Variants in NPSR1 observed in about 807,000 individuals in gnomAD.
NPSR1 encodes the protein neuropeptide S receptor.
Under a neutral mutation model 46.9 loss-of-function variants are expected in NPSR1, and 48 were observed. The observed-to-expected ratio is 1.02, with a 90% CI of 0.81 to 1.30. NPSR1 has a LOEUF of 1.30. Ranked by LOEUF, NPSR1 falls within the 50% of genes most tolerant of loss-of-function variation. The pLI is 0.00. For missense variants in NPSR1, 450 were observed against 449.5 expected (o/e 1.00, Z -0.01); for synonymous variants, 176 against 168.1 (o/e 1.05, Z -0.36).
rs565312186 is a variant in NPSR1 at position 34,778,465 on chromosome 7, C to A, written c.284C>A (p.Ser95Tyr). The change falls in exon 3 of 9, where the codon TCT becomes TAT. Residue 95 changes from serine (S) to tyrosine (Y), a missense_variant. By Grantham distance (144) the Ser-to-Tyr change is moderately radical (BLOSUM62 -2). Coordinates refer to ENST00000360581, the MANE Select transcript of NPSR1 (RefSeq NM_207172.2). ...AGCACTTGTACGTTTTTGTTAGATT[C>A]TTTCACAGGACTGGTCAACATCTTG... ...FFVTQLAITD[S>Y]FTGLVNILTD... is the part of the protein sequence containing the mutation. 1.5e-5 allele frequency: 24 copies of A among 1,584,806 alleles called. No homozygotes were observed. In the East Asian group the frequency reaches 4.7e-4, roughly 31 times the overall value.
intron 2 of NPSR1, among the ~76,000 whole-genome samples, chr7:34,703,536 C>T (rs1793954230): frequency 6.6e-6 from 1 of 151,946 alleles, no homozygotes; most frequent in Admixed American, 6.6e-5. Flanking sequence ...TTAGAACATT[C>T]GAATAGAGCA....
intron 4 of NPSR1, among the ~76,000 whole-genome samples, chr7:34,818,813 T>C (rs1789392713): frequency 1.3e-5 from 2 of 152,140 alleles, no homozygotes; most frequent in Admixed American, 6.5e-5. Context: ...AAACAAGAAA[T>C]GGGGAAACGA....
intron 5 of NPSR1, 133 bp from the exon 6 acceptor site, chr7:34,834,251 A>G (rs1790261739): frequency 1.4e-6 from 1 of 696,334 alleles, no homozygotes; most frequent in Non-Finnish European, 2.6e-6. Flanking sequence ...AACAGCAAGT[A>G]TAAGGGGGCA....
At chr7:34,866,837 C>T (rs1232538007) in intron 8 of NPSR1, among the ~76,000 whole-genome samples, 1 of 151,728 alleles carries the variant, frequency 6.6e-6, no homozygotes, top group Non-Finnish European at 1.5e-5. Flanking sequence ...AAGTTTCCTG[C>T]AGCAAAACCC....
intron 2 of NPSR1, chr7:34,750,343 A>G: frequency 1.4e-6 from 1 of 720,662 alleles, no homozygotes; most frequent in Non-Finnish European, 2.6e-6. Context: ...AATCTTCCTC[A>G]CTTGACTCAT....
In NPSR1 at chr7:34,848,652, T is replaced by C; in HGVS notation, c.1014T>C (p.Ser338=). 3.1e-6 allele frequency: 5 copies of C among 1,613,890 alleles called. No homozygotes were observed. Among genetic ancestry groups the C allele is most frequent in the Non-Finnish European group, 4.2e-6 (5 of 1,179,968 alleles). ...ACTGTGTCTTCAGCAGCTCCATCTC[T>C]TTCCCCTGCAGGTAAGGGGAGCTCT... ...LIYCVFSSSI[S]FPCREQRSQD... The change falls in exon 8 of 9, where the codon TCT becomes TCC. Residue 338 remains serine, a synonymous_variant. Coordinates refer to ENST00000360581, the MANE Select transcript of NPSR1 (RefSeq NM_207172.2).
At chr7:34,811,618 T>C (rs886610015) in intron 3 of NPSR1, 152 bp from the exon 4 acceptor site, 2 of 544,186 alleles carry the variant, frequency 3.7e-6, no homozygotes, top group African/African-American at 2.0e-5. Context: ...CTCTTGTCCA[T>C]GTAAGAGAGT....
chr7:34,825,858 G>T (rs1789807899), intron 4 of NPSR1, among the ~76,000 whole-genome samples: 1 of 152,124 alleles, frequency 6.6e-6, no homozygotes, highest in Admixed American at 6.5e-5. Flanking sequence ...TAGCAACCTG[G>T]GGGAGGAGGA....
rs184521331 is a variant in NPSR1, at chr7:34,872,862, C to A, written c.1026-5214C>A. Among the ~76,000 whole-genome samples, 270 of 151,960 alleles carry A rather than the reference C, an allele frequency of 1.8e-3. 3 individuals are homozygous for A. Among genetic ancestry groups the A allele is most frequent in the Non-Finnish European group, 1.9e-3 (127 of 68,032 alleles). ...AGATTTGGGTGAGGACACAGCCTAACCATATCAGCTAGCATGAAAATTTTC... is the reference window on the plus strand; with the variant it reads ...AGATTTGGGTGAGGACACAGCCTAAACATATCAGCTAGCATGAAAATTTTC... On this transcript the variant is annotated intron_variant, in intron 8 of 8. Coordinates refer to the NPSR1 transcript ENST00000359791.
chr7:34,779,718 G>A, intron 3 of NPSR1: 1 of 439,572 alleles, frequency 2.3e-6, no homozygotes, highest in Non-Finnish European at 3.6e-6. Flanking sequence ...ATTTCTTTCT[G>A]AGGATATTTG....
rs918451725 is a variant in NPSR1, at chr7:34,785,781, C to G, written c.384+7216C>G. The stretch of plus-strand genomic sequence containing the variant: ...AAGCTAATCACAATATTTTTGTTTC[C>G]CAGTACATATAAAAGTTATGTTTAC... On this transcript the variant is annotated intron_variant, in intron 3 of 8. Coordinates refer to ENST00000360581, the MANE Select transcript of NPSR1 (RefSeq NM_207172.2). Among the ~76,000 whole-genome samples, 3 of 151,948 alleles carry G rather than the reference C, an allele frequency of 2.0e-5. No homozygotes were observed. The South Asian group carries it at 6.2e-4, about 31-fold the overall frequency.
intron 8 of NPSR1, among the ~76,000 whole-genome samples, chr7:34,877,396 A>T (rs1208176889): frequency 6.6e-6 from 1 of 152,226 alleles, no homozygotes; most frequent in Middle Eastern, 3.2e-3. Context: ...GGGCAGTGGA[A>T]GACAAGACAA....
chr7:34,817,615 A>C (rs192473135), intron 4 of NPSR1, among the ~76,000 whole-genome samples: 6,071 of 135,076 alleles, frequency 0.045, 229 homozygotes, highest in Admixed American at 0.11. Flanking sequence ...ACAAAACAAA[A>C]AAAAGAGAAT....
intron 1 of NPSR1, among the ~76,000 whole-genome samples, chr7:34,670,884 T>C (rs1229504464): frequency 6.6e-6 from 1 of 151,988 alleles, no homozygotes; most frequent in Non-Finnish European, 1.5e-5. Flanking sequence ...AAACTGTTTG[T>C]GGGAGAGTAA....
At chr7:34,742,638 T>A (rs1010464102) in intron 2 of NPSR1, among the ~76,000 whole-genome samples, 1 of 152,232 alleles carries the variant, frequency 6.6e-6, no homozygotes, top group East Asian at 1.9e-4. Flanking sequence ...TTTGTATGCA[T>A]GTGTCTTTAT....
chr7:34,683,562 C>T lies in NPSR1; in HGVS notation c.148-990C>T, dbSNP rs139323113. The stretch of plus-strand genomic sequence containing the variant: ...TGTTTCATGCTGCTATGACAGAATA[C>T]CCAAGACTGAGTAATTTATAAAGAA... On this transcript the variant is annotated intron_variant, in intron 1 of 8. Coordinates refer to ENST00000360581, the MANE Select transcript of NPSR1 (RefSeq NM_207172.2). Among the ~76,000 whole-genome samples, 769 of 152,078 alleles carry T rather than the reference C, an allele frequency of 5.1e-3. 6 individuals carry two copies. The highest frequency in any genetic ancestry group is 0.018 in the African/African-American group (745 of 41,492).
chr7:34,678,467 G>A (rs955595257), intron 1 of NPSR1, among the ~76,000 whole-genome samples: 2 of 152,018 alleles, frequency 1.3e-5, no homozygotes, highest in South Asian at 4.1e-4. Flanking sequence ...AAAGAAACAG[G>A]AGTAAATCTT....
chr7:34,764,802 T>A (rs1159230286), intron 2 of NPSR1, among the ~76,000 whole-genome samples: 1 of 152,120 alleles, frequency 6.6e-6, no homozygotes, highest in Non-Finnish European at 1.5e-5. Flanking sequence ...CCATCACAGA[T>A]ACAAGGCAGG....
intron 2 of NPSR1, among the ~76,000 whole-genome samples, chr7:34,705,736 C>A (rs922907216): frequency 6.6e-6 from 1 of 151,976 alleles, no homozygotes; most frequent in African/African-American, 2.4e-5. Context: ...TGCCAAGCAC[C>A]GAACTAAGCA....
Sources: gnomAD v4.1 joint callset for allele counts (sites outside exome capture counted in the v4.1 genomes callset) on GRCh38, gnomAD v4.1.1 for gene constraint, MANE v1.5 for transcripts, NCBI Gene and HGNC (gene_info 2026-07-23, HGNC 2026-07-21) for gene names.